MYO18B: variants seen among roughly 807,000 people sequenced by gnomAD.
MYO18B encodes the protein myosin XVIIIB.
A neutral mutation model predicts 273.0 loss-of-function variants in MYO18B; 204 were observed. The ratio of observed to expected loss-of-function variants is 0.75; its 90% CI spans 0.67 to 0.84. The LOEUF is 0.84. Ranked by LOEUF, MYO18B falls within the 40% of genes least tolerant of loss-of-function variation. MYO18B has a pLI of 0.00. For missense variants in MYO18B, 3,212 were observed against 3,287.6 expected, an observed-to-expected ratio of 0.98 and a Z score of 0.56; for synonymous variants, 1,330 against 1,305.7, an observed-to-expected ratio of 1.02 and a Z score of -0.40.
intron 31 of MYO18B, among the ~76,000 whole-genome samples, chr22:25,905,858 C>A (rs1051195931): frequency 6.6e-6 from 1 of 151,974 alleles, no homozygotes; most frequent in Non-Finnish European, 1.5e-5. Context: ...CTTTAAAGGG[C>A]ATGGATGACG....
At chr22:25,771,057 C>T in intron 6 of MYO18B, 73 bp downstream of exon 6, 1 of 1,048,274 alleles carries the variant, frequency 9.5e-7, no homozygotes, top group Non-Finnish European at 1.4e-6. Flanking sequence ...TACCCTCCTT[C>T]CCCAGTCCTG....
intron 42 of MYO18B, among the ~76,000 whole-genome samples, chr22:26,024,309 T>G (rs956609076): frequency 1.3e-5 from 2 of 152,230 alleles, no homozygotes; most frequent in African/African-American, 4.8e-5. Context: ...TTTCTTTCAC[T>G]GTCCCAGCTG....
At chr22:25,935,859 G>A (rs1398876328) in intron 34 of MYO18B, among the ~76,000 whole-genome samples, 1 of 152,192 alleles carries the variant, frequency 6.6e-6, no homozygotes, top group Non-Finnish European at 1.5e-5. Flanking sequence ...ATGGAGGATG[G>A]GGGAGCACTC....
At chr22:25,750,937 T>C (rs1474108818) in intron 1 of MYO18B, among the ~76,000 whole-genome samples, 1 of 152,204 alleles carries the variant, frequency 6.6e-6, no homozygotes, top group Non-Finnish European at 1.5e-5. Context: ...CAGTCCATGC[T>C]GGGAGGCCAG....
chr22:25,838,873 GTATA>G (rs61430921), intron 17 of MYO18B, among the ~76,000 whole-genome samples: 6,372 of 151,188 alleles, frequency 0.042, 175 homozygotes, highest in East Asian at 0.11. Context: ...ACATGTTTGT[GTATA>G]TATATATATA....
the MYO18B span, among the ~76,000 whole-genome samples, chr22:26,039,721 A>G: frequency 1.3e-5 from 2 of 152,086 alleles, no homozygotes; most frequent in South Asian, 2.1e-4. Flanking sequence ...CTGAGATTTT[A>G]GTGTACCTGT....
intron 22 of MYO18B, 116 bp downstream of exon 22, chr22:25,868,501 C>A: frequency 1.2e-6 from 1 of 841,654 alleles, no homozygotes; most frequent in Non-Finnish European, 1.9e-6. Context: ...TTTTCCCAAA[C>A]TGAAGGTAGA....
At chr22:26,048,707 A>G in the MYO18B span, among the ~76,000 whole-genome samples, 32 of 152,266 alleles carry the variant, frequency 2.1e-4, no homozygotes, top group African/African-American at 7.2e-4. Flanking sequence ...TTAAAAAAAA[A>G]CAAAACAAAA....
chr22:25,977,419 G>A (rs756790002), intron 39 of MYO18B, among the ~76,000 whole-genome samples: 1 of 152,128 alleles, frequency 6.6e-6, no homozygotes, highest in Admixed American at 6.6e-5. Context: ...GCTACACCAG[G>A]TTAAGACCTA....
chr22:25,891,339 T>C lies in MYO18B; in HGVS notation c.4470T>C (p.Asp1490=). The change falls in exon 27 of 44, where the codon GAT becomes GAC. Residue 1490 remains aspartate (D), a synonymous_variant. Coordinates refer to ENST00000335473, the MANE Select transcript of MYO18B (RefSeq NM_032608.7). The stretch of plus-strand genomic sequence containing the variant: ...AACAAGTCCAGAAAAAACTGGGAGA[T>C]GTGAATAAACAGTTGGAAGAAGCCC... ...KHEQVQKKLG[D]VNKQLEEAQQ... 6.3e-7 allele frequency: 1 copy of C among 1,581,820 alleles called. No homozygotes were observed. Among genetic ancestry groups the C allele is most frequent in the African/African-American group, 1.3e-5 (1 of 74,338 alleles).
In MYO18B at chr22:25,780,099, C is replaced by A; in HGVS notation, c.2112C>A (p.Gly704=). Residue 704 remains glycine, a synonymous_variant, in exon 9 of 44, where the codon GGC becomes GGA. Transcript: ENST00000335473. ...CCTTCACTGTCCTCCGGGCCTTCGGCTCTGTGTCCATGGCCCACAGCCGCA... is the reference window on the plus strand; with the variant it reads ...CCTTCACTGTCCTCCGGGCCTTCGGATCTGTGTCCATGGCCCACAGCCGCA... ...RATFTVLRAF[G]SVSMAHSRSA... 2.5e-6 allele frequency: 4 copies of A among 1,600,810 alleles called. No homozygotes were observed. In the African/African-American group the frequency reaches 4.0e-5, roughly 16 times the overall value.
chr22:25,965,367 TGATGATTAGGA>T (rs1456721839), intron 39 of MYO18B, among the ~76,000 whole-genome samples: 5 of 152,168 alleles, frequency 3.3e-5, no homozygotes, highest in Admixed American at 6.5e-5. Flanking sequence ...AAAAGCCCAT[TGATGATTAGGA>T]GATGATTAGG....
intron 12 of MYO18B, among the ~76,000 whole-genome samples, chr22:25,799,462 A>G (rs1274512272): frequency 6.6e-6 from 1 of 152,084 alleles, no homozygotes; most frequent in Non-Finnish European, 1.5e-5. Context: ...GCATTGTATT[A>G]TGATTGTGAC....
intron 17 of MYO18B, among the ~76,000 whole-genome samples, chr22:25,839,130 GTGTA>G (rs1031519023): frequency 2.0e-5 from 3 of 148,106 alleles, no homozygotes; most frequent in African/African-American, 4.9e-5. Flanking sequence ...ATGAGTGTTT[GTGTA>G]TATGTGTATG....
intron 16 of MYO18B, among the ~76,000 whole-genome samples, chr22:25,834,400 G>T (rs1167165234): frequency 6.6e-6 from 1 of 152,156 alleles, no homozygotes; most frequent in African/African-American, 2.4e-5. Flanking sequence ...GGATGCCTGG[G>T]ATCCAGTTCC....
intron 14 of MYO18B, among the ~76,000 whole-genome samples, chr22:25,826,864 A>T (rs2089511193): frequency 6.6e-6 from 1 of 152,220 alleles, no homozygotes; most frequent in African/African-American, 2.4e-5. Flanking sequence ...ATTCAAGACC[A>T]GCCTGGCCAA....
At position 25,772,343 on chromosome 22, in the gene MYO18B, C is replaced by T. The variant is rs770443021; in HGVS notation, c.1702C>T (p.Pro568Ser). 1.2e-6 allele frequency: 2 copies of T among 1,613,740 alleles called. No individual in the cohort carries two copies. The highest frequency in any genetic ancestry group is 2.2e-5 in the South Asian group (2 of 91,046). ...TGTGATGGTTTCACAGGCCAACCCTCCTGAGCTGGACCAGGTCGAGGACCT... is the reference window on the plus strand; with the variant it reads ...TGTGATGGTTTCACAGGCCAACCCTTCTGAGCTGGACCAGGTCGAGGACCT... ...DEEHVHRANP[P>S]ELDQVEDLAS... is the part of the protein sequence containing the mutation. The change falls in exon 7 of 44, where the codon CCT becomes TCT. Residue 568 changes from proline (P) to serine (S), a missense_variant. Physicochemically the swap from Pro to Ser is moderately conservative, Grantham distance 74. Coordinates refer to ENST00000335473, the MANE Select transcript of MYO18B (RefSeq NM_032608.7).
At chr22:25,859,415 T>A (rs1216665141) in intron 21 of MYO18B, among the ~76,000 whole-genome samples, 1 of 152,212 alleles carries the variant, frequency 6.6e-6, no homozygotes, top group African/African-American at 2.4e-5. Context: ...ATGGTAAATT[T>A]ATGTGTAACT....
intron 1 of MYO18B, among the ~76,000 whole-genome samples, chr22:25,752,902 G>A (rs150977702): frequency 2.8e-3 from 428 of 152,300 alleles, no homozygotes; most frequent in Middle Eastern, 0.017. Flanking sequence ...CGGAGCGGCC[G>A]GCTCGCGCCG....
Sources: gnomAD v4.1 joint callset for allele counts (sites outside exome capture counted in the v4.1 genomes callset) on GRCh38, gnomAD v4.1.1 for gene constraint, MANE v1.5 for transcripts, NCBI Gene and HGNC (gene_info 2026-07-23, HGNC 2026-07-21) for gene names.